The following DMXL1 variants were observed in gnomAD, a reference collection of about 807,000 sequenced individuals.
The protein encoded by DMXL1 is Dmx like 1.
In DMXL1, 99 loss-of-function variants were observed where a neutral mutation model predicts 319.2. The observed-to-expected ratio is 0.31, with a 90% CI of 0.26 to 0.37. The LOEUF is 0.37. Ranked by LOEUF, DMXL1 falls within the 10% of genes least tolerant of loss-of-function variation. DMXL1 has a pLI of 1.00. For missense variants in DMXL1, 3,745 were observed against 3,595.6 expected (o/e 1.04, Z -1.06); for synonymous variants, 1,385 against 1,235.2 (o/e 1.12, Z -2.54).
intron 19 of DMXL1, among the ~76,000 whole-genome samples, chr5:119,162,761 G>A (rs1210457022): frequency 6.6e-6 from 1 of 152,180 alleles, no homozygotes; most frequent in African/African-American, 2.4e-5. Context: ...TTATGAAAAT[G>A]TATTGAAGTT....
chr5:119,202,881 A>ATATT (rs1236286907), intron 32 of DMXL1, among the ~76,000 whole-genome samples: 4 of 89,180 alleles, frequency 4.5e-5, no homozygotes, highest in Admixed American at 1.2e-4. Flanking sequence ...ATATATATAT[A>ATATT]TTTTTATATA....
Position 119,237,322 on chromosome 5 carries a change from T to C in DMXL1, c.8467T>C (p.Phe2823Leu), listed in dbSNP as rs775488328. The part of the protein sequence containing the change: ...RMRFNYQGNK[F>L]GIVDADGYLS... ...CTTTTAAATATTTTCTTTCTCTAAG[T>C]TTGGAATAGTTGATGCTGATGGATA... Residue 2823 changes from phenylalanine (F) to leucine (L), a missense_variant and splice_region_variant, in exon 40 of 44, where the codon TTT (phenylalanine) becomes CTT (leucine). Phe to Leu is a conservative substitution (Grantham distance 22). This residue lies in a region of DMXL1 where 262 missense variants were observed against 320.5 expected (regional missense o/e 0.82). Transcript: ENST00000539542. The C allele has an allele frequency of 5.1e-6, 8 of 1,558,674 alleles. No individual in the cohort carries two copies. In the East Asian group the frequency reaches 1.6e-4, roughly 31 times the overall value.
chr5:119,121,253 C>T, intron 9 of DMXL1, 114 bp downstream of exon 9: 7 of 803,142 alleles, frequency 8.7e-6, no homozygotes, highest in South Asian at 7.8e-5. Context: ...ACTGTCTTAG[C>T]CTATTTTTCT....
At chr5:119,122,641 G>A (rs1425929183) in intron 9 of DMXL1, among the ~76,000 whole-genome samples, 1 of 150,916 alleles carries the variant, frequency 6.6e-6, no homozygotes, top group Non-Finnish European at 1.5e-5. Flanking sequence ...CGGCCGGGCA[G>A]AGACGCCCTT....
intron 20 of DMXL1, 45 bp from the exon 21 acceptor site, chr5:119,165,138 C>A: frequency 2.4e-6 from 3 of 1,235,386 alleles, no homozygotes; most frequent in Admixed American, 2.0e-5. Context: ...ATTACTTGTT[C>A]AAAACTGTTT....
In DMXL1 at chr5:119,149,407, C is replaced by T. The variant is rs1183470264; in HGVS notation, c.3580C>T (p.Leu1194Phe). The T allele has an allele frequency of 6.2e-7, 1 of 1,613,874 alleles. No homozygotes were observed. The highest frequency in any genetic ancestry group is 8.5e-7 in the Non-Finnish European group (1 of 1,179,856). ...CTGGGAGAGTACCAAAGTTGTGCCC[C>T]TTTCTAAATTTGTACTATTACGAAG... ...PLWESTKVVP[L>F]SKFVLLRSVD... Residue 1194 changes from leucine (L) to phenylalanine (F), a missense_variant, in exon 18 of 44, where the codon CTT becomes TTT. Physicochemically the swap from Leu to Phe is conservative, Grantham distance 22. Around this residue, in one of 4 missense-constraint regions of DMXL1, gnomAD observed 2,096 missense variants for 1,985.4 expected, o/e 1.06. Coordinates refer to ENST00000539542, the MANE Select transcript of DMXL1 (RefSeq NM_001290321.3).
chr5:119,238,126 T>A (rs1243818438), intron 40 of DMXL1, among the ~76,000 whole-genome samples: 1 of 152,002 alleles, frequency 6.6e-6, no homozygotes, highest in African/African-American at 2.4e-5. Flanking sequence ...TTTAGATGTA[T>A]AAGTTTGTTC....
At chr5:119,085,690 T>C (rs1462523484) in intron 1 of DMXL1, among the ~76,000 whole-genome samples, 5 of 152,176 alleles carry the variant, frequency 3.3e-5, no homozygotes, top group Admixed American at 6.5e-5. Flanking sequence ...TTTTTTCTCT[T>C]GCTTAACTGC....
In DMXL1 at chr5:119,170,244, G is replaced by T. The variant is rs186200178; in HGVS notation, c.5453G>T (p.Arg1818Ile). ...PTVFNFYNYL[R>I]THPLLLRRHF... is the part of the protein sequence containing the mutation. The stretch of plus-strand genomic sequence containing the variant: ...GTTTTTAATTTCTACAATTATCTAA[G>T]AACACATCCTCTTTTGCTGAGACGT... Residue 1818 changes from arginine to isoleucine, a missense_variant, in exon 24 of 44, where the codon AGA becomes ATA. Physicochemically the swap from Arg to Ile is moderately conservative, Grantham distance 97. Transcript: ENST00000539542. 1 of 1,612,700 alleles carries T rather than the reference G, an allele frequency of 6.2e-7. No individual in the cohort carries two copies. The highest frequency in any genetic ancestry group is 8.5e-7 in the Non-Finnish European group (1 of 1,179,620).
intron 10 of DMXL1, among the ~76,000 whole-genome samples, chr5:119,130,701 G>T (rs1008026309): frequency 6.6e-6 from 1 of 152,126 alleles, no homozygotes; most frequent in Non-Finnish European, 1.5e-5. Context: ...GTATTTAACG[G>T]CTGCTGAGTA....
rs763318276 is a variant in DMXL1 at position 119,146,903 on chromosome 5, G to T, written c.2636G>T (p.Arg879Leu). ...GTAATAGAATGCACTCAAGACAACCGTTCACTGTTACACATGTGGAATTTA... is the reference window on the plus strand; with the variant it reads ...GTAATAGAATGCACTCAAGACAACCTTTCACTGTTACACATGTGGAATTTA... ...LIVIECTQDNRSLLHMWNLHL... is the reference protein window; with the variant it reads ...LIVIECTQDNLSLLHMWNLHL... Residue 879 changes from arginine to leucine, a missense_variant, in exon 16 of 44, where the codon CGT becomes CTT. Transcript: ENST00000539542. 6.2e-7 allele frequency: 1 copy of T among 1,611,688 alleles called. No individual in the cohort carries two copies. The highest frequency in any genetic ancestry group is 1.1e-5 in the South Asian group (1 of 90,930).
chr5:119,080,218 G>C (rs1485850102), intron 1 of DMXL1, among the ~76,000 whole-genome samples: 1 of 152,122 alleles, frequency 6.6e-6, no homozygotes, highest in African/African-American at 2.4e-5. Context: ...GTGGTGGTGG[G>C]TGCCTATGAT....
chr5:119,138,938 G>C (rs1005818256), intron 13 of DMXL1: 11 of 152,324 alleles, frequency 7.2e-5, no homozygotes, highest in Middle Eastern at 3.4e-3. Flanking sequence ...AGGATGACAT[G>C]CAAATTCATG....
chr5:119,215,125 A>C (rs1024352476), intron 34 of DMXL1, among the ~76,000 whole-genome samples: 1 of 152,228 alleles, frequency 6.6e-6, no homozygotes, highest in Non-Finnish European at 1.5e-5. Context: ...TTGATCCTCA[A>C]GTCAGCCAGA....
chr5:119,218,520 G>T (rs375948201), intron 35 of DMXL1, among the ~76,000 whole-genome samples: 3 of 151,896 alleles, frequency 2.0e-5, no homozygotes, highest in Non-Finnish European at 4.4e-5. Context: ...GCAGTGGCGC[G>T]ATCTTGGCTT....
chr5:119,171,821 C>T lies in DMXL1; in HGVS notation c.6533C>T (p.Thr2178Ile), dbSNP rs1261099827. The change falls in exon 25 of 44, where the codon ACC becomes ATC. Residue 2178 changes from threonine to isoleucine, a missense_variant. Transcript: ENST00000539542. Reference sequence around the variant, plus strand: ...TTTTCTAGCCCTCTGTCAGAGCAAACCTCAGTGCCTCTCCTCTTTGCTTGT... The same window carrying T: ...TTTTCTAGCCCTCTGTCAGAGCAAATCTCAGTGCCTCTCCTCTTTGCTTGT... ...PLFSSPLSEQ[T>I]SVPLLFACTA... 6.2e-7 allele frequency: 1 copy of T among 1,613,704 alleles called. No homozygotes were observed. Among genetic ancestry groups the T allele is most frequent in the Admixed American group, 1.7e-5 (1 of 59,978 alleles).
chr5:119,210,060 C>T (rs1168626460), intron 34 of DMXL1, among the ~76,000 whole-genome samples: 2 of 152,124 alleles, frequency 1.3e-5, no homozygotes, highest in Non-Finnish European at 2.9e-5. Context: ...TCTCCACCTC[C>T]TGGGTACAAG....
At chr5:119,108,433 T>G (rs146646857) in intron 4 of DMXL1, among the ~76,000 whole-genome samples, 88 of 152,260 alleles carry the variant, frequency 5.8e-4, no homozygotes, top group African/African-American at 2.0e-3. Flanking sequence ...CTTTTTTTCA[T>G]TTTTTCTTGA....
Position 119,248,365 on chromosome 5 carries a change from A to T in DMXL1, c.*1146A>T, listed in dbSNP as rs974881111. ...TTTTATTATAAAATATGACCAAAAT[A>T]TTTAAAATGCACAATGCTTTTAACT... On this transcript the variant is annotated 3_prime_UTR_variant, in exon 44 of 44. Transcript: ENST00000539542. The T allele has an allele frequency of 3.9e-5, 6 of 152,644 alleles. No individual in the cohort carries two copies. The East Asian group carries it at 1.2e-3, about 29-fold the overall frequency. The allele number at this position is 152,644 out of a possible 1,614,324, so 9.5% of individuals were successfully genotyped here.
Sources: gnomAD v4.1 joint callset for allele counts (sites outside exome capture counted in the v4.1 genomes callset) on GRCh38, gnomAD v4.1.1 for gene constraint, gnomAD v4.1.1 regional missense constraint, MANE v1.5 for transcripts, NCBI Gene and HGNC (gene_info 2026-07-23, HGNC 2026-07-21) for gene names.